The following EPHA4 variants were observed in gnomAD, a reference collection of about 807,000 sequenced individuals.
EPHA4 encodes the protein EPH receptor A4, also known as ephrin type-A receptor 4.
In EPHA4, 19 loss-of-function variants were observed where a neutral mutation model predicts 108.3. The observed-to-expected ratio is 0.18, with a 90% CI of 0.12 to 0.26. EPHA4 has a LOEUF of 0.26. Ranked by LOEUF, EPHA4 falls within the 10% of genes least tolerant of loss-of-function variation. The probability of loss-of-function intolerance (pLI) is 1.00; values close to 1 mark genes in which losing one functional copy is unlikely to be tolerated. For missense variants in EPHA4, 917 were observed against 1,254.0 expected (o/e 0.73, Z 4.06); for synonymous variants, 449 against 455.5 (o/e 0.99, Z 0.18).
intron 3 of EPHA4, among the ~76,000 whole-genome samples, chr2:221,538,742 T>C (rs1160368176): frequency 6.6e-6 from 1 of 152,238 alleles, no homozygotes; most frequent in Non-Finnish European, 1.5e-5. Flanking sequence ...TGACAAATAC[T>C]GCTTTCTCAC....
intron 4 of EPHA4, among the ~76,000 whole-genome samples, chr2:221,486,634 T>C (rs1259537637): frequency 6.6e-6 from 1 of 151,726 alleles, no homozygotes; most frequent in East Asian, 1.9e-4. Context: ...CTTGGGAGGC[T>C]GAGGCAGGAG....
At chr2:221,535,272 A>G (rs1454736755) in intron 3 of EPHA4, among the ~76,000 whole-genome samples, 1 of 152,182 alleles carries the variant, frequency 6.6e-6, no homozygotes, top group East Asian at 1.9e-4. Flanking sequence ...TCCAAACTCT[A>G]AAGTCTTGAG....
intron 14 of EPHA4, 115 bp downstream of exon 14, chr2:221,434,027 A>G: frequency 9.7e-7 from 1 of 1,033,888 alleles, no homozygotes; most frequent in Admixed American, 2.6e-5. Context: ...TATCTGTATT[A>G]AGAAATTTGA....
chr2:221,418,236 A>G lies in EPHA4; in HGVS notation c.*3136T>C, dbSNP rs1388594026. The G allele has an allele frequency of 1.3e-5, 2 of 152,182 alleles. No individual in the cohort carries two copies. The highest frequency in any genetic ancestry group is 6.5e-5 in the Admixed American group (1 of 15,276). The allele number at this position is 152,182 out of a possible 1,614,324, so 9.4% of individuals were successfully genotyped here. A position where few individuals can be genotyped will look rare whatever the true frequency, so the allele number is the denominator to read the frequency against. On this transcript the variant is annotated 3_prime_UTR_variant, in exon 18 of 18. Transcript: ENST00000281821. ...CTATGTCTAACTCCAGAAATCACTCAAAGTTTGGAACGTGTGAACCGAACA... is the reference window on the plus strand; with the variant it reads ...CTATGTCTAACTCCAGAAATCACTCGAAGTTTGGAACGTGTGAACCGAACA...
chr2:221,436,156 G>C (rs1472574776), intron 13 of EPHA4, among the ~76,000 whole-genome samples: 1 of 151,988 alleles, frequency 6.6e-6, no homozygotes, highest in African/African-American at 2.4e-5. Flanking sequence ...AAAACATAGA[G>C]GGAAAGATAA....
chr2:221,570,178 T>C (rs11687492), intron 1 of EPHA4, among the ~76,000 whole-genome samples: 33,689 of 151,376 alleles, frequency 0.22, 4,395 homozygotes, highest in African/African-American at 0.36. Context: ...GGAAACGTGA[T>C]GGGAATAGAA....
At chr2:221,433,289 ATATAAT>A (rs2106095802) in intron 14 of EPHA4, among the ~76,000 whole-genome samples, 1 of 152,344 alleles carries the variant, frequency 6.6e-6, no homozygotes, top group Non-Finnish European at 1.5e-5. Flanking sequence ...AGTTTCCAAA[ATATAAT>A]TATAACTGAT....
At chr2:221,502,864 C>T (rs529236311) in intron 3 of EPHA4, among the ~76,000 whole-genome samples, 3 of 152,192 alleles carry the variant, frequency 2.0e-5, no homozygotes, top group Non-Finnish European at 2.9e-5. Flanking sequence ...TATTTGCTTT[C>T]GTCTTTCACT....
intron 2 of EPHA4, among the ~76,000 whole-genome samples, chr2:221,567,289 G>C (rs1278809055): frequency 6.6e-6 from 1 of 152,138 alleles, no homozygotes. Flanking sequence ...AACCTACCAA[G>C]CAATACCCCT....
At chr2:221,500,860 T>C (rs549789923) in intron 4 of EPHA4, among the ~76,000 whole-genome samples, 157 bp downstream of exon 4, 1 of 152,324 alleles carries the variant, frequency 6.6e-6, no homozygotes, top group South Asian at 2.1e-4. Flanking sequence ...ACCCTTTCTT[T>C]TTACAAGCAT....
chr2:221,480,740 G>A (rs1691793469), intron 5 of EPHA4, among the ~76,000 whole-genome samples: 1 of 152,202 alleles, frequency 6.6e-6, no homozygotes, highest in African/African-American at 2.4e-5. Context: ...TTGCAGAGCT[G>A]AAGATACATT....
In EPHA4 at chr2:221,419,608, C is replaced by A. The variant is rs1444118506; in HGVS notation, c.*1764G>T. ...AACTGATGATTCAGATGAGTTCAATCAGAAAATTTGTAATTTTGATGATGG... is the reference window on the plus strand; with the variant it reads ...AACTGATGATTCAGATGAGTTCAATAAGAAAATTTGTAATTTTGATGATGG... On this transcript the variant is annotated 3_prime_UTR_variant, in exon 18 of 18. Coordinates refer to ENST00000281821, the MANE Select transcript of EPHA4 (RefSeq NM_004438.5). 1 of 152,608 alleles carries A rather than the reference C, an allele frequency of 6.6e-6. No individual in the cohort carries two copies. Among genetic ancestry groups the A allele is most frequent in the Non-Finnish European group, 1.5e-5 (1 of 68,042 alleles). 9.5% of individuals were successfully genotyped at this position (152,608 alleles called of 1,614,324 possible).
chr2:221,564,021 T>A lies in EPHA4; in HGVS notation c.533A>T (p.Lys178Ile). The A allele has an allele frequency of 6.2e-7, 1 of 1,613,894 alleles. No individual in the cohort carries two copies. The highest frequency in any genetic ancestry group is 8.5e-7 in the Non-Finnish European group (1 of 1,179,988). ...CTGAAAAGCCAGGTAAAACCCCTTT[T>A]TGCTTAATGGCCCTACATCCCGGAT... is the stretch of plus-strand genomic sequence containing the variant. Reference protein sequence around the residue: ...TEIRDVGPLSKKGFYLAFQDV... With the variant: ...TEIRDVGPLSIKGFYLAFQDV... The change falls in exon 3 of 18, where the codon AAA (lysine) becomes ATA (isoleucine). Residue 178 changes from lysine (K) to isoleucine (I), a missense_variant. Physicochemically the swap from Lys to Ile is moderately radical, Grantham distance 102. Coordinates refer to ENST00000281821, the MANE Select transcript of EPHA4 (RefSeq NM_004438.5).
At chr2:221,420,926 G>A (rs1249795557) in intron 17 of EPHA4, among the ~76,000 whole-genome samples, 1 of 152,146 alleles carries the variant, frequency 6.6e-6, no homozygotes, top group Non-Finnish European at 1.5e-5. Flanking sequence ...CCACCGTGTT[G>A]AACAGCCTGT....
At chr2:221,563,703 G>GA (rs778846869) in intron 3 of EPHA4, 28 bp downstream of exon 3, 8 of 1,606,156 alleles carry the variant, frequency 5.0e-6, no homozygotes, top group East Asian at 4.5e-5. Flanking sequence ...AAGCCCCAGT[G>GA]AAAAAACTGC....
rs370179370 is a variant in EPHA4 at position 221,543,630 on chromosome 2, C to T, written c.823+20101G>A. On this transcript the variant is annotated intron_variant, in intron 3 of 17. Transcript: ENST00000281821. ...CTTTCTATGCTGTACTTAGCAGCTA[C>T]GCACACAATAAAACCACAGTACAAT... Among the ~76,000 whole-genome samples the T allele has an allele frequency of 9.2e-5, 14 of 152,242 alleles. No homozygotes were observed. In the East Asian group the frequency reaches 1.5e-3, roughly 17 times the overall value.
chr2:221,473,711 G>C (rs1475627227), intron 5 of EPHA4, among the ~76,000 whole-genome samples: 1 of 152,154 alleles, frequency 6.6e-6, no homozygotes, highest in Non-Finnish European at 1.5e-5. Context: ...AATTGAGCCA[G>C]TTGGAGTGAC....
intron 4 of EPHA4, among the ~76,000 whole-genome samples, chr2:221,493,776 T>A (rs12472019): frequency 2.1e-3 from 325 of 152,380 alleles, no homozygotes; most frequent in African/African-American, 7.1e-3. Context: ...AAGTAAGTGA[T>A]GTTTGTTGTT....
At position 221,421,340 on chromosome 2, in the gene EPHA4, G is replaced by A. The variant is rs114356612; in HGVS notation, c.*820-788C>T. 5.9e-3 allele frequency among the ~76,000 whole-genome samples: 897 copies of A among 152,116 alleles called. 7 individuals carry two copies. Among genetic ancestry groups the A allele is most frequent in the African/African-American group, 0.02 (833 of 41,508 alleles). ...GAAAAAAAAGAAAAATGCAAACTAA[G>A]AAGTGAAAAAAAGTGGTGGTTTTTC... On this transcript the variant is annotated intron_variant, in intron 17 of 17. Coordinates refer to ENST00000281821, the MANE Select transcript of EPHA4 (RefSeq NM_004438.5).
Sources: allele counts gnomAD v4.1 joint callset (sites outside exome capture counted in the v4.1 genomes callset), GRCh38; gene constraint gnomAD v4.1.1; transcripts MANE v1.5; gene names NCBI Gene and HGNC (gene_info 2026-07-23, HGNC 2026-07-21).